The following NAA16 variants were observed in gnomAD, a reference collection of about 807,000 sequenced individuals.
The protein encoded by NAA16 is N-alpha-acetyltransferase 16, NatA auxiliary subunit, also known as NARG1-like protein.
Under a neutral mutation model 110.3 loss-of-function variants are expected in NAA16, and 97 were observed. The ratio of observed to expected loss-of-function variants is 0.88; its 90% CI spans 0.75 to 1.04. The LOEUF is 1.04. NAA16 is among the 50% of genes least tolerant of loss of function. NAA16 has a pLI of 0.00. For synonymous variants in NAA16, 372 were observed against 330.6 expected (o/e 1.13, Z -1.36); for missense variants, 1,017 against 1,005.1 (o/e 1.01, Z -0.16).
chr13:41,366,249 T>C lies in NAA16; in HGVS notation c.1540-1190T>C, dbSNP rs2043205499. On this transcript the variant is annotated intron_variant, in intron 13 of 19. Transcript: ENST00000379406. ...TACTATGTACTTTTATTATAATTTTTGTCTTAAAGTCTCAGGTACTTAATA... is the reference window on the plus strand; with the variant it reads ...TACTATGTACTTTTATTATAATTTTCGTCTTAAAGTCTCAGGTACTTAATA... 2.0e-5 allele frequency among the ~76,000 whole-genome samples: 3 copies of C among 152,184 alleles called. No homozygotes were observed. In the South Asian group the frequency reaches 6.2e-4, roughly 31 times the overall value.
intron 9 of NAA16, among the ~76,000 whole-genome samples, chr13:41,345,077 A>G (rs150475325): frequency 9.0e-4 from 137 of 152,324 alleles, no homozygotes; most frequent in African/African-American, 3.2e-3. Flanking sequence ...TGACCATGTA[A>G]CATTCCATTT....
Position 41,318,845 on chromosome 13 carries a change from G to T in NAA16, c.179G>T (p.Gly60Val). ...AMKGLTLNCLGKKEEAYEFVR... is the reference protein window; with the variant it reads ...AMKGLTLNCLVKKEEAYEFVR... ...AAAGGATTAACACTGAACTGTTTAG[G>T]AAAAAAAGAAGAAGCTTATGAGTTT... is the stretch of plus-strand genomic sequence containing the variant. Residue 60 changes from glycine (G) to valine (V), a missense_variant, in exon 3 of 20, where the codon GGA becomes GTA. Physicochemically the swap from Gly to Val is moderately radical, Grantham distance 109. Coordinates refer to ENST00000379406, the MANE Select transcript of NAA16 (RefSeq NM_024561.5). 1 of 1,601,920 alleles carries T rather than the reference G, an allele frequency of 6.2e-7. No homozygotes were observed. Among genetic ancestry groups the T allele is most frequent in the Non-Finnish European group, 8.5e-7 (1 of 1,174,760 alleles).
chr13:41,330,203 T>C (rs1213971879), intron 7 of NAA16, among the ~76,000 whole-genome samples: 2 of 151,836 alleles, frequency 1.3e-5, no homozygotes, highest in African/African-American at 4.8e-5. Context: ...TTTGTTTTTG[T>C]TTTTTTACCC....
intron 5 of NAA16, 53 bp from the exon 6 acceptor site, chr13:41,325,645 G>C (rs1419075814): frequency 3.1e-6 from 4 of 1,270,826 alleles, no homozygotes; most frequent in Middle Eastern, 2.6e-4. Flanking sequence ...TTAAAGGTCT[G>C]TAACTGCTTT....
Position 41,366,805 on chromosome 13 carries a change from TAAG to T in NAA16, c.1540-631_1540-629del, listed in dbSNP as rs2043215955. 3.2e-4 allele frequency among the ~76,000 whole-genome samples: 5 copies of T among 15,388 alleles called. No homozygotes were observed. In the South Asian group the frequency reaches 0.032, roughly 98 times the overall value. The allele number at this position is 15,388 out of a possible 152,430, so 10.1% of individuals were successfully genotyped here. On this transcript the variant is annotated intron_variant, in intron 13 of 19. Transcript: ENST00000379406. Reference sequence around the variant, plus strand: ...ACATTATTTGATCCTTTAACAACCTTAAGAAATTGGCTGTATGGATTTCTTTAT... The same window carrying T: ...ACATTATTTGATCCTTTAACAACCTTAAATTGGCTGTATGGATTTCTTTAT...
intron 9 of NAA16, among the ~76,000 whole-genome samples, chr13:41,350,627 T>G (rs2042811254): frequency 9.6e-6 from 1 of 104,550 alleles, no homozygotes; most frequent in Non-Finnish European, 1.8e-5. Context: ...TTTGTTTGTT[T>G]GTTTTTTTTA....
rs1042580646 is a variant in NAA16 at position 41,373,872 on chromosome 13, G to A, written c.2299+92G>A. 3 of 1,463,918 alleles carry A rather than the reference G, an allele frequency of 2.0e-6. 1 individual carries two copies. Among genetic ancestry groups the A allele is most frequent in the Admixed American group, 2.5e-5 (1 of 39,546 alleles). The allele number at this position is 1,463,918 out of a possible 1,614,324, so 90.7% of individuals were successfully genotyped here. A position where few individuals can be genotyped will look rare whatever the true frequency, so the allele number is the denominator to read the frequency against. On this transcript the variant is annotated intron_variant, in intron 18 of 19. Transcript: ENST00000379406. ...CCCCAAAATGTAAAGCAAATGAACAGTACTGTGTGTAAGTATGGGGAGAGA... is the reference window on the plus strand; with the variant it reads ...CCCCAAAATGTAAAGCAAATGAACAATACTGTGTGTAAGTATGGGGAGAGA...
At chr13:41,374,011 A>C in intron 18 of NAA16, 1 of 475,548 alleles carries the variant, frequency 2.1e-6, no homozygotes, top group Non-Finnish European at 3.1e-6. Flanking sequence ...TAACGGGCAA[A>C]TACTTTTATA....
intron 13 of NAA16, among the ~76,000 whole-genome samples, chr13:41,365,153 T>G (rs1259891147): frequency 6.7e-6 from 1 of 150,238 alleles, no homozygotes; most frequent in Non-Finnish European, 1.5e-5. Context: ...GGAAACTAAC[T>G]TTATCTGTTG....
At chr13:41,336,614 G>T in intron 8 of NAA16, 36 bp from the exon 9 acceptor site, 1 of 1,262,946 alleles carries the variant, frequency 7.9e-7, no homozygotes, top group Non-Finnish European at 1.1e-6. Flanking sequence ...TTGTTTGCGT[G>T]AACCAAAGAA....
intron 9 of NAA16, among the ~76,000 whole-genome samples, chr13:41,340,312 T>A (rs189448433): frequency 2.0e-5 from 3 of 152,272 alleles, no homozygotes; most frequent in Middle Eastern, 6.8e-3. Context: ...TGAAGGGTTT[T>A]TTGTGTCTGT....
intron 5 of NAA16, among the ~76,000 whole-genome samples, chr13:41,324,362 T>C (rs7491400): frequency 2.9e-5 from 3 of 105,222 alleles, no homozygotes; most frequent in Admixed American, 1.3e-4. Context: ...TTTCTTTCTT[T>C]CTTTTTTTTT....
intron 13 of NAA16, among the ~76,000 whole-genome samples, chr13:41,363,766 T>A (rs1213125645): frequency 6.6e-6 from 1 of 152,164 alleles, no homozygotes; most frequent in Non-Finnish European, 1.5e-5. Flanking sequence ...TCATGTTACA[T>A]AATTATTATC....
At chr13:41,355,104 G>A (rs1432258441) in intron 9 of NAA16, 40 bp from the exon 10 acceptor site, 1 of 1,263,600 alleles carries the variant, frequency 7.9e-7, no homozygotes, top group Non-Finnish European at 1.1e-6. Flanking sequence ...ATACCTTCAA[G>A]AAGATATTTT....
At chr13:41,352,851 T>C (rs2042874475) in intron 9 of NAA16, among the ~76,000 whole-genome samples, 1 of 152,206 alleles carries the variant, frequency 6.6e-6, no homozygotes, top group Admixed American at 6.5e-5. Context: ...AGTATTTATA[T>C]TCTTTTATGA....
intron 1 of NAA16, among the ~76,000 whole-genome samples, chr13:41,314,119 A>G (rs1237983433): frequency 6.6e-6 from 1 of 152,130 alleles, no homozygotes; most frequent in Non-Finnish European, 1.5e-5. Flanking sequence ...TCTCTATCTA[A>G]ATGGGGATAT....
chr13:41,369,414 T>C, intron 15 of NAA16, 131 bp downstream of exon 15: 1 of 941,564 alleles, frequency 1.1e-6, no homozygotes, highest in East Asian at 2.8e-5. Flanking sequence ...ATAATAGCCG[T>C]CAATTATCTT....
chr13:41,318,682 T>G, intron 2 of NAA16, 124 bp from the exon 3 acceptor site: 38 of 423,280 alleles, frequency 9.0e-5, no homozygotes, highest in East Asian at 1.8e-4. Context: ...GTTCAAACTG[T>G]GAGATTAAAA....
At chr13:41,337,810 C>T (rs947361709) in intron 9 of NAA16, among the ~76,000 whole-genome samples, 8 of 151,968 alleles carry the variant, frequency 5.3e-5, no homozygotes, top group African/African-American at 1.9e-4. Flanking sequence ...TGTAAATTTG[C>T]AGTAATTGTG....
Sources: allele counts gnomAD v4.1 joint callset (sites outside exome capture counted in the v4.1 genomes callset), GRCh38; gene constraint gnomAD v4.1.1; transcripts MANE v1.5; gene names NCBI Gene and HGNC (gene_info 2026-07-23, HGNC 2026-07-21).